Variants in PLXND1 observed in about 807,000 individuals in gnomAD.
PLXND1 encodes the protein plexin-D1.
Under a neutral mutation model 197.7 loss-of-function variants are expected in PLXND1, and 54 were observed. The observed-to-expected ratio is 0.27, with a 90% confidence interval of 0.22 to 0.34. PLXND1 has a LOEUF of 0.34. Ranked by LOEUF, PLXND1 falls within the 10% of genes least tolerant of loss-of-function variation. The probability of loss-of-function intolerance (pLI) is 1.00; values close to 1 mark genes in which losing one functional copy is unlikely to be tolerated. For missense variants in PLXND1, 2,127 were observed against 2,699.2 expected, an observed-to-expected ratio of 0.79 and a Z score of 4.70; for synonymous variants, 1,180 against 1,161.2, an observed-to-expected ratio of 1.02 and a Z score of -0.33.
chr3:129,596,749 C>T (rs913528978), intron 1 of PLXND1, among the ~76,000 whole-genome samples: 2 of 152,236 alleles, frequency 1.3e-5, no homozygotes, highest in African/African-American at 4.8e-5. Flanking sequence ...CCCTGGTCTC[C>T]TCGGGGTCCA....
chr3:129,599,820 C>T (rs1413144211), intron 1 of PLXND1, among the ~76,000 whole-genome samples: 1 of 152,196 alleles, frequency 6.6e-6, no homozygotes, highest in African/African-American at 2.4e-5. Context: ...ACGGAGAGCT[C>T]ACAGCTCACC....
Position 129,572,722 on chromosome 3 carries a change from A to G in PLXND1, c.2964T>C (p.Pro988=). The part of the protein sequence containing the change: ...YVLPLVHSLE[P]TMGPKAGGTR... ...TGCCCCCGGCCTTGGGGCCCATGGT[A>G]GGCTCCAGGGAGTGGACCAGGGGCA... The change falls in exon 15 of 36, where the codon CCT becomes CCC. Residue 988 remains proline, a synonymous_variant. Coordinates refer to ENST00000324093, the MANE Select transcript of PLXND1 (RefSeq NM_015103.3). 1 of 1,598,676 alleles carries G rather than the reference A, an allele frequency of 6.3e-7. No individual in the cohort carries two copies. The highest frequency in any genetic ancestry group is 8.5e-7 in the Non-Finnish European group (1 of 1,171,526).
At position 129,557,070 on chromosome 3, in the gene PLXND1, C is replaced by G. The variant is rs187773628; in HGVS notation, c.5586+13G>C. 2 of 1,613,196 alleles carry G rather than the reference C, an allele frequency of 1.2e-6. No individual in the cohort carries two copies. The highest frequency in any genetic ancestry group is 1.7e-6 in the Non-Finnish European group (2 of 1,179,908). On this transcript the variant is annotated intron_variant, in intron 34 of 35. Coordinates refer to ENST00000324093, the MANE Select transcript of PLXND1 (RefSeq NM_015103.3). The surrounding 1 kb of genome is among the most constrained non-coding windows in gnomAD (Gnocchi z 4.8). ...TCTTCAGGCCCCCATCCCCCGCCGC[C>G]GAGCCACCGCACCCTCGACTCCTCG...
In PLXND1 at chr3:129,578,323, A is replaced by C; in HGVS notation, c.2346+6T>G. 1 of 1,581,526 alleles carries C rather than the reference A, an allele frequency of 6.3e-7. No homozygotes were observed. Among genetic ancestry groups the C allele is most frequent in the East Asian group, 2.3e-5 (1 of 44,176 alleles). On this transcript the variant is annotated splice_donor_region_variant and intron_variant, in intron 9 of 35. Transcript: ENST00000324093. ...CCCACCCGGCGCTGGCCTGGCTTCT[A>C]CTTACCTGGAAAAAGGCAGTGTTGG... is the stretch of plus-strand genomic sequence containing the variant.
intron 20 of PLXND1, chr3:129,569,325 C>G (rs1371827111): frequency 6.6e-6 from 1 of 152,568 alleles, no homozygotes; most frequent in Non-Finnish European, 1.5e-5. Flanking sequence ...GGTGGAATTG[C>G]TGGGTCATAG....
At chr3:129,559,338 C>T (rs970300691) in intron 32 of PLXND1, 7 of 337,636 alleles carry the variant, frequency 2.1e-5, no homozygotes, top group East Asian at 1.5e-4. Context: ...TGATGGTGCC[C>T]ACCTGAGAGG....
At position 129,555,421 on chromosome 3, in the gene PLXND1, C is replaced by T. The variant is rs529561303; in HGVS notation, c.*891G>A. ...CCAGGGGCGCTCTGCCAGGTCTGCC[C>T]GCTCTCTGGAACAGTCATTTCCAGT... On this transcript the variant is annotated 3_prime_UTR_variant, in exon 36 of 36. Transcript: ENST00000324093. 6.6e-5 allele frequency: 43 copies of T among 652,756 alleles called. No homozygotes were observed. The highest frequency in any genetic ancestry group is 3.0e-4 in the African/African-American group (16 of 53,630). The allele number at this position is 652,756 out of a possible 1,614,324, so 40.4% of individuals were successfully genotyped here. A position where few individuals can be genotyped will look rare whatever the true frequency, so the allele number is the denominator to read the frequency against.
At chr3:129,601,056 T>G (rs1187744170) in intron 1 of PLXND1, among the ~76,000 whole-genome samples, 1 of 152,074 alleles carries the variant, frequency 6.6e-6, no homozygotes, top group Non-Finnish European at 1.5e-5. Flanking sequence ...TGCCCCACCT[T>G]GTTGGGTGAT....
Position 129,571,467 on chromosome 3 carries a change from T to C in PLXND1, c.3336+42A>G, listed in dbSNP as rs199604501. The stretch of plus-strand genomic sequence containing the variant: ...GGTCAGTTAGGGCCCTGGCTGTGCC[T>C]GGGCCACCCCCTCCCACCCATCAGG... On this transcript the variant is annotated intron_variant, in intron 17 of 35. Coordinates refer to ENST00000324093, the MANE Select transcript of PLXND1 (RefSeq NM_015103.3). 645 of 1,573,510 alleles carry C rather than the reference T, an allele frequency of 4.1e-4. 5 individuals are homozygous for C. The South Asian group carries it at 5.6e-3, about 14-fold the overall frequency.
intron 8 of PLXND1, among the ~76,000 whole-genome samples, chr3:129,583,032 G>A (rs2085406882): frequency 6.6e-6 from 1 of 152,186 alleles, no homozygotes; most frequent in South Asian, 2.1e-4. Flanking sequence ...CCCAGGCAGG[G>A]CCCTTTCCAC....
chr3:129,606,392 G>A lies in PLXND1; in HGVS notation c.248C>T (p.Ser83Leu). Residue 83 changes from serine to leucine, a missense_variant, in exon 1 of 36, where the codon TCG becomes TTG. This residue lies in a region of PLXND1 where 245 missense variants were observed against 267.1 expected (regional missense o/e 0.92). Coordinates refer to ENST00000324093, the MANE Select transcript of PLXND1 (RefSeq NM_015103.3). Reference protein sequence around the residue: ...LAAVNRLYQLSGANLSLEAEA... With the variant: ...LAAVNRLYQLLGANLSLEAEA... ...GGCCTCCAGGCTCAGGTTGGCGCCCGACAGCTGATAGAGGCGGTTGACGGC... is the reference window on the plus strand; with the variant it reads ...GGCCTCCAGGCTCAGGTTGGCGCCCAACAGCTGATAGAGGCGGTTGACGGC... 2.0e-6 allele frequency: 3 copies of A among 1,515,270 alleles called. No individual in the cohort carries two copies. Among genetic ancestry groups the A allele is most frequent in the Admixed American group, 2.2e-5 (1 of 45,886 alleles). 93.9% of individuals were successfully genotyped at this position (1,515,270 alleles called of 1,614,324 possible).
chr3:129,576,193 C>T (rs2085311817), intron 9 of PLXND1, among the ~76,000 whole-genome samples: 1 of 152,240 alleles, frequency 6.6e-6, no homozygotes, highest in Non-Finnish European at 1.5e-5. Flanking sequence ...CTCTTCGAGC[C>T]TTCCCACCTC....
chr3:129,585,361 G>A (rs1578342847), intron 5 of PLXND1, among the ~76,000 whole-genome samples: 1 of 152,198 alleles, frequency 6.6e-6, no homozygotes, highest in Admixed American at 6.5e-5. Flanking sequence ...TCTGACCCTC[G>A]GCTCCCACCC....
chr3:129,605,468 A>T lies in PLXND1; in HGVS notation c.1172T>A (p.Phe391Tyr). The change falls in exon 1 of 36, where the codon TTC (phenylalanine) becomes TAC (tyrosine). Residue 391 changes from phenylalanine to tyrosine, a missense_variant. By Grantham distance (22) the Phe-to-Tyr change is conservative. Transcript: ENST00000324093. ...ARAAPAALCA[F>Y]RFADVRAAIR... ...GGCGGCTCGCACGTCGGCGAAGCGG[A>T]AGGCGCAGAGTGCGGCCGGAGCAGC... 6.7e-7 allele frequency: 1 copy of T among 1,501,208 alleles called. No homozygotes were observed. Among genetic ancestry groups the T allele is most frequent in the Non-Finnish European group, 8.8e-7 (1 of 1,132,148 alleles). 93.0% of individuals were successfully genotyped at this position (1,501,208 alleles called of 1,614,324 possible). A position where few individuals can be genotyped will look rare whatever the true frequency, so the allele number is the denominator to read the frequency against.
intron 10 of PLXND1, 63 bp downstream of exon 10, chr3:129,575,703 G>T: frequency 1.5e-6 from 2 of 1,293,730 alleles, no homozygotes; most frequent in Non-Finnish European, 2.2e-6. Flanking sequence ...GTGGGGTGAG[G>T]GGTACAGCAT....
intron 13 of PLXND1, 122 bp downstream of exon 13, chr3:129,573,472 G>A (rs141313577): frequency 1.1e-5 from 11 of 1,046,080 alleles, no homozygotes; most frequent in Non-Finnish European, 1.3e-5. Context: ...TGGAGGCCAC[G>A]AAGCAACAGT....
In PLXND1 at chr3:129,584,049, C is replaced by G. The variant is rs534407203; in HGVS notation, c.2138+76G>C. 1.6e-4 allele frequency: 145 copies of G among 914,088 alleles called. 2 individuals carry two copies. The African/African-American group carries it at 2.3e-3, about 14-fold the overall frequency. 56.6% of individuals were successfully genotyped at this position (914,088 alleles called of 1,614,324 possible). ...TGCTATGATTTTTCTTCTCAGGGCC[C>G]CCTGAAAGCAAAGACCCTTCCCGGG... On this transcript the variant is annotated intron_variant, in intron 7 of 35. Coordinates refer to ENST00000324093, the MANE Select transcript of PLXND1 (RefSeq NM_015103.3).
chr3:129,560,567 C>G, intron 30 of PLXND1, 122 bp downstream of exon 30: 1 of 955,724 alleles, frequency 1.0e-6, no homozygotes, highest in Non-Finnish European at 1.7e-6. Context: ...CATCCCTACT[C>G]CCCCACCCCC....
Position 129,567,734 on chromosome 3 carries a change from C to T in PLXND1, c.3937G>A (p.Glu1313Lys), listed in dbSNP as rs1399649840. ...YWQKTLLQME[E>K]MESQIREEIR... ...TCCTCTCGGATCTGAGATTCCATCT[C>T]CTCCATCTGCAGCAGCGTCTTCTGC... The change falls in exon 21 of 36, where the codon GAG becomes AAG. Residue 1313 changes from glutamate (E) to lysine (K), a missense_variant. Glu to Lys is a moderately conservative substitution (Grantham distance 56). Transcript: ENST00000324093. 6.2e-7 allele frequency: 1 copy of T among 1,613,182 alleles called. No homozygotes were observed. Among genetic ancestry groups the T allele is most frequent in the Non-Finnish European group, 8.5e-7 (1 of 1,179,088 alleles).
Sources: gnomAD v4.1 joint callset for allele counts (sites outside exome capture counted in the v4.1 genomes callset) on GRCh38, gnomAD v4.1.1 for gene constraint, gnomAD v4.1.1 regional missense constraint, Gnocchi (gnomAD v3.1) non-coding constraint, MANE v1.5 for transcripts, NCBI Gene and HGNC (gene_info 2026-07-23, HGNC 2026-07-21) for gene names.